Variants in STOML3 observed in about 807,000 individuals in gnomAD.
The protein encoded by STOML3 is stomatin-like protein 3.
A neutral mutation model predicts 29.5 loss-of-function variants in STOML3; 31 were observed. The ratio of observed to expected loss-of-function variants is 1.05; its 90% CI spans 0.79 to 1.42. The LOEUF is 1.42. Among genes scored for constraint, STOML3 ranks in the 40% most tolerant of loss-of-function variants. STOML3 has a pLI of 0.00. For missense variants in STOML3, 380 were observed against 363.0 expected (o/e 1.05, Z -0.38); for synonymous variants, 122 against 139.8 (o/e 0.87, Z 0.90).
At chr13:38,983,695 C>T (rs575359362) in intron 1 of STOML3, among the ~76,000 whole-genome samples, 7 of 152,192 alleles carry the variant, frequency 4.6e-5, no homozygotes, top group Non-Finnish European at 8.8e-5. Flanking sequence ...TTATTATCTA[C>T]GCTAGTCCTA....
chr13:38,970,470 C>G (rs1273453218), intron 4 of STOML3, 82 bp from the exon 5 acceptor site: 1 of 1,197,178 alleles, frequency 8.4e-7, no homozygotes. Flanking sequence ...CAAGAGCCAT[C>G]CTCCACAGAA....
chr13:38,989,488 T>TTTTC (rs113793711), intron 1 of STOML3, among the ~76,000 whole-genome samples: 41,792 of 151,268 alleles, frequency 0.28, 7,230 homozygotes, highest in African/African-American at 0.5. Context: ...ACTTTTTCTT[T>TTTTC]TTTCTTTCTT....
intron 1 of STOML3, among the ~76,000 whole-genome samples, chr13:38,983,071 C>T (rs1881322812): frequency 6.6e-6 from 1 of 151,916 alleles, no homozygotes; most frequent in East Asian, 1.9e-4. Context: ...TCTCAATACC[C>T]CACTCTTTCC....
chr13:38,990,325 T>G (rs1029565285), intron 1 of STOML3, among the ~76,000 whole-genome samples: 2 of 152,022 alleles, frequency 1.3e-5, no homozygotes, highest in African/African-American at 2.4e-5. Context: ...TAAAATTGAA[T>G]GAAAAATAAA....
Position 38,973,096 on chromosome 13 carries a change from T to TAAAA in STOML3, c.230-506_230-503dup, listed in dbSNP as rs71074495. Among the ~76,000 whole-genome samples, 25 of 32,570 alleles carry TAAAA rather than the reference T, an allele frequency of 7.7e-4. 2 individuals are homozygous for TAAAA. Among genetic ancestry groups the TAAAA allele is most frequent in the East Asian group, 4.8e-3 (3 of 622 alleles). 21.4% of individuals were successfully genotyped at this position (32,570 alleles called of 152,430 possible). A position where few individuals can be genotyped will look rare whatever the true frequency, so the allele number is the denominator to read the frequency against. On this transcript the variant is annotated intron_variant, in intron 3 of 6. Transcript: ENST00000379631. ...CAACATGGTGAAGCCCCGTCTCTAC[T>TAAAA]AAAAAAAAAAAAAAAAAAAAAAAAA...
At chr13:38,976,856 G>T (rs1380517756) in intron 1 of STOML3, 59 bp from the exon 2 acceptor site, 3 of 1,438,336 alleles carry the variant, frequency 2.1e-6, no homozygotes, top group Non-Finnish European at 2.9e-6. Context: ...AAGCCACCCA[G>T]CTGCATGGGT....
intron 1 of STOML3, among the ~76,000 whole-genome samples, chr13:38,985,097 G>A (rs147185801): frequency 6.6e-5 from 10 of 152,024 alleles, no homozygotes; most frequent in East Asian, 1.9e-4. Flanking sequence ...CATACATTCC[G>A]CCTGACTGTA....
rs775311972 is a variant in STOML3 at position 38,970,233 on chromosome 13, G to A, written c.468C>T (p.Thr156=). ...TTLRNVLGTQ[T]LSQILAGREE... is the part of the protein sequence containing the mutation. ...CTCGTCCAGCTAAGATCTGGGACAA[G>A]GTCTGTGTCCCTAAGACATTTCTCA... Residue 156 remains threonine (T), a synonymous_variant, in exon 5 of 7, where the codon ACC becomes ACT. Coordinates refer to ENST00000379631, the MANE Select transcript of STOML3 (RefSeq NM_145286.3). The A allele has an allele frequency of 2.5e-6, 4 of 1,614,074 alleles. No individual in the cohort carries two copies. The highest frequency in any genetic ancestry group is 2.5e-6 in the Non-Finnish European group (3 of 1,179,980).
chr13:38,975,186 T>C (rs936182839), intron 3 of STOML3, among the ~76,000 whole-genome samples: 3 of 151,822 alleles, frequency 2.0e-5, no homozygotes, highest in Non-Finnish European at 2.9e-5. Flanking sequence ...CCGCTTATGA[T>C]AGTGGGTGCC....
At chr13:38,970,418 TATTTATGACTTTC>T (rs765256707) in intron 4 of STOML3, 30 bp from the exon 5 acceptor site, 25 of 1,587,144 alleles carry the variant, frequency 1.6e-5, no homozygotes, top group Non-Finnish European at 1.8e-5. Flanking sequence ...CAAAATCACT[TATTTATGACTTTC>T]ACCACTACTG....
chr13:38,977,942 A>G (rs1881145913), intron 1 of STOML3, among the ~76,000 whole-genome samples: 1 of 150,350 alleles, frequency 6.7e-6, no homozygotes, highest in African/African-American at 2.4e-5. Flanking sequence ...TGTCTCTTTT[A>G]GTAGAGGCGA....
intron 1 of STOML3, among the ~76,000 whole-genome samples, chr13:38,982,836 G>T (rs1421714471): frequency 6.6e-6 from 1 of 152,102 alleles, no homozygotes; most frequent in Admixed American, 6.6e-5. Context: ...AATGTAAATG[G>T]ATAGCTTATC....
At chr13:38,974,018 C>A (rs1373590032) in intron 3 of STOML3, among the ~76,000 whole-genome samples, 1 of 152,106 alleles carries the variant, frequency 6.6e-6, no homozygotes, top group African/African-American at 2.4e-5. Context: ...AATTCATGTA[C>A]AATAGCATTC....
chr13:38,968,568 A>G (rs749344295), intron 5 of STOML3, 34 bp from the exon 6 acceptor site: 1 of 1,611,838 alleles, frequency 6.2e-7, no homozygotes, highest in Admixed American at 1.7e-5. Context: ...ACTAATAAGA[A>G]AGACAGGTGA....
chr13:38,980,228 G>T, intron 1 of STOML3: 3 of 1,241,396 alleles, frequency 2.4e-6, no homozygotes, highest in South Asian at 2.8e-5. Context: ...GGGAGAATTG[G>T]TGGAGCCTGG....
At chr13:38,985,000 A>G (rs73456164) in intron 1 of STOML3, among the ~76,000 whole-genome samples, 4,791 of 152,308 alleles carry the variant, frequency 0.031, 172 homozygotes, top group African/African-American at 0.093. Flanking sequence ...AAGTCCTTGT[A>G]TAGAAATCAT....
At chr13:38,977,750 A>ATTTTTTTTTTT (rs397851686) in intron 1 of STOML3, among the ~76,000 whole-genome samples, 12 of 84,186 alleles carry the variant, frequency 1.4e-4, no homozygotes, top group Non-Finnish European at 2.3e-4. Flanking sequence ...AAGTCTCCGG[A>ATTTTTTTTTTT]TTTTTTTTTT....
intron 1 of STOML3, 43 bp downstream of exon 1, chr13:38,990,627 A>G (rs1868965525): frequency 1.2e-6 from 2 of 1,603,350 alleles, no homozygotes; most frequent in Non-Finnish European, 1.7e-6. Context: ...CTGCTTTGCC[A>G]TATATGTAAA....
At chr13:38,969,112 A>G (rs1315295287) in intron 5 of STOML3, among the ~76,000 whole-genome samples, 1 of 152,174 alleles carries the variant, frequency 6.6e-6, no homozygotes, top group African/African-American at 2.4e-5. Context: ...TTGAGATATT[A>G]TTTATCTCGC....
Sources: allele counts gnomAD v4.1 joint callset (sites outside exome capture counted in the v4.1 genomes callset), GRCh38; gene constraint gnomAD v4.1.1; transcripts MANE v1.5; gene names NCBI Gene and HGNC (gene_info 2026-07-23, HGNC 2026-07-21).